Variants in CCSER1 observed in about 807,000 individuals in gnomAD.
CCSER1 encodes serine-rich coiled-coil domain-containing protein 1.
CCSER1 carries 41 observed loss-of-function variants against 82.0 expected under a neutral mutation model. The ratio of observed to expected loss-of-function variants is 0.50; its 90% confidence interval spans 0.39 to 0.65. CCSER1 has a LOEUF of 0.65. Among genes scored for constraint, CCSER1 ranks in the 30% least tolerant of loss-of-function variants. The pLI is 0.00. For missense variants in CCSER1, 1,119 were observed against 1,064.2 expected (o/e 1.05, Z -0.72); for synonymous variants, 414 against 383.9 (o/e 1.08, Z -0.92).
chr4:91,011,577 C>T (rs1739008610), intron 9 of CCSER1, among the ~76,000 whole-genome samples: 1 of 134,608 alleles, frequency 7.4e-6, no homozygotes, highest in South Asian at 2.4e-4. Flanking sequence ...CACCCCCTGG[C>T]AGCTTGGGCT....
intron 10 of CCSER1, among the ~76,000 whole-genome samples, chr4:91,430,620 G>A (rs986898449): frequency 6.6e-6 from 1 of 152,106 alleles, no homozygotes; most frequent in Non-Finnish European, 1.5e-5. Flanking sequence ...AAATATGATT[G>A]TTTTCCAAAA....
rs193062886 is a variant in CCSER1, at chr4:91,032,972, A to G, written c.2173-52978A>G. Among the ~76,000 whole-genome samples, 185 of 152,248 alleles carry G rather than the reference A, an allele frequency of 1.2e-3. 1 individual carries two copies. Among genetic ancestry groups the G allele is most frequent in the Non-Finnish European group, 1.9e-3 (129 of 68,016 alleles). On this transcript the variant is annotated intron_variant, in intron 9 of 10. Coordinates refer to ENST00000509176, the MANE Select transcript of CCSER1 (RefSeq NM_001145065.2). ...ACCTCCCCGGGAATGGTGTCAAATA[A>G]TATTTAGCTTTCATTTTTTAGCAGT...
chr4:90,265,570 C>A (rs924969114), intron 1 of CCSER1, among the ~76,000 whole-genome samples: 21 of 151,764 alleles, frequency 1.4e-4, no homozygotes, highest in African/African-American at 4.6e-4. Flanking sequence ...ATGAAATAAG[C>A]TATCAAAAAT....
intron 10 of CCSER1, among the ~76,000 whole-genome samples, chr4:91,162,905 G>A (rs1045035791): frequency 6.6e-6 from 1 of 151,940 alleles, no homozygotes; most frequent in Non-Finnish European, 1.5e-5. Context: ...TGATTTTTTT[G>A]AAGGGTTTTT....
chr4:90,567,559 G>T (rs985871046), intron 5 of CCSER1, among the ~76,000 whole-genome samples: 5 of 151,864 alleles, frequency 3.3e-5, no homozygotes, highest in Non-Finnish European at 7.4e-5. Flanking sequence ...CAAAGTGCTG[G>T]GATGACAGGC....
At chr4:91,183,238 A>G in intron 10 of CCSER1, among the ~76,000 whole-genome samples, 1 of 152,206 alleles carries the variant, frequency 6.6e-6, no homozygotes, top group East Asian at 1.9e-4. Context: ...AAGAATCAGA[A>G]ATCACATTAA....
At chr4:90,196,219 T>C (rs1481646651) in intron 1 of CCSER1, among the ~76,000 whole-genome samples, 1 of 151,678 alleles carries the variant, frequency 6.6e-6, no homozygotes. Flanking sequence ...AGGGGGCAAA[T>C]GTGAATGCCA....
At chr4:90,330,575 G>A (rs1306101761) in intron 3 of CCSER1, among the ~76,000 whole-genome samples, 2 of 152,128 alleles carry the variant, frequency 1.3e-5, no homozygotes, top group Non-Finnish European at 2.9e-5. Flanking sequence ...CCGTCCACTG[G>A]AAGTTGCTAT....
chr4:90,792,761 G>C (rs552831922), intron 7 of CCSER1, among the ~76,000 whole-genome samples: 1 of 152,338 alleles, frequency 6.6e-6, no homozygotes, highest in African/African-American at 2.4e-5. Context: ...GCTTGTGCCA[G>C]GCAGGCAAGG....
At chr4:90,587,576 G>C (rs1333352676) in intron 5 of CCSER1, among the ~76,000 whole-genome samples, 1 of 152,102 alleles carries the variant, frequency 6.6e-6, no homozygotes, top group Non-Finnish European at 1.5e-5. Flanking sequence ...TTAATAATTT[G>C]TTGACTGGAT....
At chr4:91,134,126 A>G (rs1728249065) in intron 10 of CCSER1, among the ~76,000 whole-genome samples, 1 of 152,120 alleles carries the variant, frequency 6.6e-6, no homozygotes, top group South Asian at 2.1e-4. Flanking sequence ...CAAAAAATTA[A>G]ACTTGGAATC....
chr4:90,377,906 G>C (rs986838101), intron 3 of CCSER1, among the ~76,000 whole-genome samples: 1 of 151,924 alleles, frequency 6.6e-6, no homozygotes, highest in Non-Finnish European at 1.5e-5. Context: ...TATGAAGATG[G>C]GGCAAATTAT....
intron 10 of CCSER1, among the ~76,000 whole-genome samples, chr4:91,206,481 G>C (rs1736353250): frequency 6.6e-6 from 1 of 151,956 alleles, no homozygotes; most frequent in Non-Finnish European, 1.5e-5. Context: ...CAAGGCCTTG[G>C]CCAGTATAGA....
chr4:90,714,906 A>G (rs913067890), intron 6 of CCSER1, among the ~76,000 whole-genome samples: 4 of 151,908 alleles, frequency 2.6e-5, no homozygotes, highest in African/African-American at 9.7e-5. Flanking sequence ...TCTATAGTAG[A>G]TTTTTTTGTA....
In CCSER1 at chr4:91,013,725, C is replaced by T. The variant is rs1237290879; in HGVS notation, c.2173-72225C>T. On this transcript the variant is annotated intron_variant, in intron 9 of 10. Transcript: ENST00000509176. ...TCACGCCATTCTCCTGCCTCAGGCT[C>T]CCGAGCAGCTGGGACTCCAGGCACC... Among the ~76,000 whole-genome samples the T allele has an allele frequency of 3.1e-5, 4 of 127,028 alleles. 1 individual carries two copies. The highest frequency in any genetic ancestry group is 7.3e-5 in the Non-Finnish European group (4 of 55,060). 83.3% of individuals were successfully genotyped at this position (127,028 alleles called of 152,430 possible).
chr4:90,186,242 A>T (rs1369537976), intron 1 of CCSER1, among the ~76,000 whole-genome samples: 1 of 152,002 alleles, frequency 6.6e-6, no homozygotes, highest in East Asian at 1.9e-4. Context: ...CCCTTCTCTC[A>T]TAAAATAAAA....
intron 10 of CCSER1, among the ~76,000 whole-genome samples, chr4:91,376,858 T>A (rs560165074): frequency 4.1e-4 from 62 of 152,046 alleles, no homozygotes; most frequent in African/African-American, 1.4e-3. Context: ...GCTGCACCCA[T>A]TAACTCATCA....
intron 10 of CCSER1, among the ~76,000 whole-genome samples, chr4:91,477,495 C>T (rs1757660118): frequency 6.6e-6 from 1 of 151,562 alleles, no homozygotes; most frequent in African/African-American, 2.4e-5. Flanking sequence ...TTTATTAATA[C>T]TTCTCTATTT....
intron 1 of CCSER1, among the ~76,000 whole-genome samples, chr4:90,131,241 T>C (rs186276150): frequency 3.9e-4 from 60 of 152,340 alleles, no homozygotes; most frequent in African/African-American, 1.1e-3. Context: ...CCTCAGTTGA[T>C]CCACTCTCCT....
Sources: allele counts gnomAD v4.1 joint callset (sites outside exome capture counted in the v4.1 genomes callset), GRCh38; gene constraint gnomAD v4.1.1; transcripts MANE v1.5; gene names NCBI Gene and HGNC (gene_info 2026-07-23, HGNC 2026-07-21).